The following SAXO1 variants were observed in gnomAD, a reference collection of about 807,000 sequenced individuals.
The protein encoded by SAXO1 is stabilizer of axonemal microtubules 1.
SAXO1 carries 21 observed loss-of-function variants against 17.5 expected under a neutral mutation model. The ratio of observed to expected loss-of-function variants is 1.20; its 90% CI spans 0.85 to 1.72. The LOEUF (loss-of-function observed/expected upper bound fraction) is 1.72. Among genes scored for constraint, SAXO1 ranks in the 40% most tolerant of loss-of-function variants. SAXO1 has a pLI of 0.00. For synonymous variants in SAXO1, 274 were observed against 216.5 expected, an observed-to-expected ratio of 1.27 and a Z score of -2.33; for missense variants, 843 against 596.0, an observed-to-expected ratio of 1.41 and a Z score of -4.32.
chr9:18,958,640 C>CA (rs1271293104), intron 1 of SAXO1, among the ~76,000 whole-genome samples: 1 of 151,942 alleles, frequency 6.6e-6, no homozygotes, highest in Non-Finnish European at 1.5e-5. Flanking sequence ...AGGCTACCAC[C>CA]AAGTTTAGTG....
At chr9:18,994,301 C>T (rs538494280) in intron 1 of SAXO1, among the ~76,000 whole-genome samples, 5 of 152,226 alleles carry the variant, frequency 3.3e-5, no homozygotes, top group African/African-American at 9.6e-5. Context: ...AATTTTATGA[C>T]GACAATGTGC....
At chr9:19,040,348 A>G (rs1379853943) in intron 1 of SAXO1, among the ~76,000 whole-genome samples, 1 of 152,184 alleles carries the variant, frequency 6.6e-6, no homozygotes, top group Non-Finnish European at 1.5e-5. Context: ...AAATTTGATT[A>G]AAGATGTTAG....
chr9:19,028,236 C>G, intron 1 of SAXO1: 1 of 852,138 alleles, frequency 1.2e-6, no homozygotes. Context: ...ATTAGCCGGC[C>G]GTAGTGGCGG....
Position 19,044,503 on chromosome 9 carries a change from C to G in SAXO1, c.-158+4706G>C, listed in dbSNP as rs1588579610. Among the ~76,000 whole-genome samples, 3 of 152,154 alleles carry G rather than the reference C, an allele frequency of 2.0e-5. 1 individual carries two copies. The South Asian group carries it at 6.2e-4, about 32-fold the overall frequency. On this transcript the variant is annotated intron_variant, in intron 1 of 3. Coordinates refer to the SAXO1 transcript ENST00000542071. ...AAGAACAAAAAATGGGGTAAGAGAT[C>G]ATAAAATCAAAATTTTTGGAAGCGG...
At chr9:18,975,888 A>G (rs1249026819) in intron 1 of SAXO1, among the ~76,000 whole-genome samples, 1 of 94,384 alleles carries the variant, frequency 1.1e-5, no homozygotes, top group Non-Finnish European at 3.1e-5. Flanking sequence ...TGGAGCAGAC[A>G]GACCAAGAGA....
At chr9:19,044,928 C>T (rs1274463572) in intron 1 of SAXO1, among the ~76,000 whole-genome samples, 1 of 152,028 alleles carries the variant, frequency 6.6e-6, no homozygotes, top group African/African-American at 2.4e-5. Context: ...ATTTTTACCA[C>T]AGAACCTCCA....
rs2131657522 is a variant in SAXO1, at chr9:18,928,072, C to T, written c.1405G>A (p.Glu469Lys). ...CAAAATCAGGCTAACACTTCCAACT[C>T]CCTCTGGTTGGGGTTTTCTGAATCA... is the stretch of plus-strand genomic sequence containing the variant. ...VDDSENPNQR[E>K]LEVLA The change falls in exon 4 of 4, where the codon GAG becomes AAG. Residue 469 changes from glutamate to lysine, a missense_variant. By Grantham distance (56) the Glu-to-Lys change is moderately conservative. Coordinates refer to ENST00000380534, the MANE Select transcript of SAXO1 (RefSeq NM_153707.4). 2.5e-6 allele frequency: 4 copies of T among 1,603,688 alleles called. No individual in the cohort carries two copies. Among genetic ancestry groups the T allele is most frequent in the South Asian group, 1.1e-5 (1 of 90,406 alleles).
At chr9:18,961,725 T>C (rs1393588154) in intron 1 of SAXO1, among the ~76,000 whole-genome samples, 2 of 152,234 alleles carry the variant, frequency 1.3e-5, no homozygotes, top group Non-Finnish European at 2.9e-5. Context: ...ATTTTCTTAA[T>C]CCAGTCTATC....
At chr9:19,001,661 G>T (rs915747255) in intron 1 of SAXO1, among the ~76,000 whole-genome samples, 4 of 101,072 alleles carry the variant, frequency 4.0e-5, no homozygotes, top group Non-Finnish European at 9.7e-5. Flanking sequence ...GCAAGACTCC[G>T]TCAAAAAAAA....
intron 1 of SAXO1, among the ~76,000 whole-genome samples, chr9:18,956,810 G>C (rs1832275469): frequency 1.3e-5 from 2 of 152,180 alleles, no homozygotes; most frequent in African/African-American, 2.4e-5. Flanking sequence ...CACAACACGG[G>C]CTAAGTGTTT....
intron 1 of SAXO1, among the ~76,000 whole-genome samples, chr9:19,007,669 G>T (rs1425734001): frequency 6.6e-6 from 1 of 152,066 alleles, no homozygotes; most frequent in African/African-American, 2.4e-5. Flanking sequence ...ACAAACTATG[G>T]CCTTAGAGCC....
chr9:19,015,627 G>A (rs1403065087), intron 1 of SAXO1, among the ~76,000 whole-genome samples: 1 of 147,796 alleles, frequency 6.8e-6, no homozygotes, highest in Non-Finnish European at 1.5e-5. Context: ...ACAGGCATGA[G>A]CCATCACGCC....
chr9:18,942,076 A>G (rs555797687), intron 2 of SAXO1, among the ~76,000 whole-genome samples: 2 of 116,482 alleles, frequency 1.7e-5, no homozygotes, highest in East Asian at 3.9e-4. Context: ...TCACGGCCCC[A>G]GAGTCTATCA....
chr9:18,930,741 C>T (rs1200506918), intron 3 of SAXO1, among the ~76,000 whole-genome samples: 4 of 152,276 alleles, frequency 2.6e-5, no homozygotes, highest in South Asian at 4.2e-4. Flanking sequence ...TCAGGTAATC[C>T]GCCCACCTCG....
chr9:19,006,845 A>G (rs1283102866), intron 1 of SAXO1, among the ~76,000 whole-genome samples: 1 of 152,138 alleles, frequency 6.6e-6, no homozygotes. Flanking sequence ...CAAGCGTTCA[A>G]GACCAGCCTG....
At chr9:19,039,683 G>A (rs372927377) in intron 1 of SAXO1, among the ~76,000 whole-genome samples, 18 of 152,254 alleles carry the variant, frequency 1.2e-4, no homozygotes, top group African/African-American at 2.6e-4. Context: ...ACAAGTAGTC[G>A]GTTGGCTTCA....
chr9:19,035,980 A>G (rs891777488), upstream of SAXO1, among the ~76,000 whole-genome samples: 2 of 151,946 alleles, frequency 1.3e-5, no homozygotes, highest in Non-Finnish European at 1.5e-5. Flanking sequence ...GAAAAGAAAA[A>G]CCTTCTCAGC....
At chr9:19,021,896 A>C (rs1177888929) in intron 1 of SAXO1, among the ~76,000 whole-genome samples, 27 of 152,312 alleles carry the variant, frequency 1.8e-4, no homozygotes, top group Non-Finnish European at 1.5e-5. Context: ...AAATGGACCA[A>C]TCAGAAGGAT....
At chr9:19,003,371 T>C (rs1482229604) in intron 1 of SAXO1, among the ~76,000 whole-genome samples, 2 of 152,210 alleles carry the variant, frequency 1.3e-5, no homozygotes, top group African/African-American at 2.4e-5. Flanking sequence ...ATTGACTTTC[T>C]TCACAGAATT....
Sources: allele counts gnomAD v4.1 joint callset (sites outside exome capture counted in the v4.1 genomes callset), GRCh38; gene constraint gnomAD v4.1.1; transcripts MANE v1.5; gene names NCBI Gene and HGNC (gene_info 2026-07-23, HGNC 2026-07-21).